The following PHF21A variants were observed in gnomAD, a reference collection of about 807,000 sequenced individuals.
The protein encoded by PHF21A is BHC80a.
PHF21A carries 11 observed loss-of-function variants against 82.5 expected under a neutral mutation model. The ratio of observed to expected loss-of-function variants is 0.13; its 90% CI spans 0.08 to 0.22. The LOEUF is 0.22. Among genes scored for constraint, PHF21A ranks in the 10% least tolerant of loss-of-function variants. PHF21A has a pLI of 1.00. For missense variants in PHF21A, 579 were observed against 837.8 expected, an observed-to-expected ratio of 0.69 and a Z score of 3.81; for synonymous variants, 297 against 302.8, an observed-to-expected ratio of 0.98 and a Z score of 0.20.
intron 7 of PHF21A, among the ~76,000 whole-genome samples, 164 bp downstream of exon 7, chr11:45,979,596 T>C (rs2094191737): frequency 6.6e-6 from 1 of 152,252 alleles, no homozygotes; most frequent in Non-Finnish European, 1.5e-5. Flanking sequence ...TGCCAATGAT[T>C]ACAAGTGATA....
At chr11:46,089,262 T>C (rs547229356) in intron 3 of PHF21A, among the ~76,000 whole-genome samples, 2 of 152,340 alleles carry the variant, frequency 1.3e-5, no homozygotes, top group Non-Finnish European at 2.9e-5. Flanking sequence ...AGGTTTCAAT[T>C]TGTACAAAAT....
chr11:46,108,118 T>C lies in PHF21A; in HGVS notation c.-237+12817A>G, dbSNP rs569003560. Among the ~76,000 whole-genome samples, 9 of 152,332 alleles carry C rather than the reference T, an allele frequency of 5.9e-5. No homozygotes were observed. In the East Asian group the frequency reaches 1.7e-3, roughly 29 times the overall value. ...CTTTTTTACAGGTTTGCCCCAATTC[T>C]TGCCTATTTACTTTGTAAATGTGAA... is the stretch of plus-strand genomic sequence containing the variant. On this transcript the variant is annotated intron_variant, in intron 1 of 18. Transcript: ENST00000676320.
chr11:45,968,231 G>A (rs558192948), intron 9 of PHF21A, among the ~76,000 whole-genome samples: 1 of 152,300 alleles, frequency 6.6e-6, no homozygotes, highest in African/African-American at 2.4e-5. Context: ...TCTGCACAGA[G>A]GCAAGAAGGA....
chr11:46,107,453 C>CA (rs1162087502), intron 1 of PHF21A, among the ~76,000 whole-genome samples: 1 of 152,120 alleles, frequency 6.6e-6, no homozygotes, highest in East Asian at 1.9e-4. Flanking sequence ...TGAATGCTAC[C>CA]AATGAGAAAA....
intron 12 of PHF21A, among the ~76,000 whole-genome samples, chr11:45,949,709 T>G (rs1009361989): frequency 1.3e-5 from 2 of 152,096 alleles, no homozygotes; most frequent in Non-Finnish European, 2.9e-5. Context: ...CTGTTGAGAG[T>G]TTAACAATAG....
chr11:45,997,629 C>T (rs1014549566), intron 6 of PHF21A, among the ~76,000 whole-genome samples: 1 of 152,174 alleles, frequency 6.6e-6, no homozygotes, highest in Non-Finnish European at 1.5e-5. Flanking sequence ...TGTTTTGCAG[C>T]CTTAAAAGTG....
chr11:46,093,870 G>C (rs1007800664), intron 1 of PHF21A, among the ~76,000 whole-genome samples: 1 of 151,994 alleles, frequency 6.6e-6, no homozygotes, highest in Non-Finnish European at 1.5e-5. Flanking sequence ...TGACTTTCTG[G>C]AACTGTTTTC....
chr11:46,078,897 A>G (rs2096758935), intron 5 of PHF21A, among the ~76,000 whole-genome samples: 3 of 152,122 alleles, frequency 2.0e-5, no homozygotes. Flanking sequence ...AAATACTCAA[A>G]CCAATTAATA....
chr11:46,077,219 A>C (rs2096736812), intron 5 of PHF21A, among the ~76,000 whole-genome samples: 1 of 152,238 alleles, frequency 6.6e-6, no homozygotes, highest in Admixed American at 6.5e-5. Context: ...GCTTTACAGC[A>C]TTATCAACAA....
chr11:45,996,473 T>C (rs2094912934), intron 6 of PHF21A, among the ~76,000 whole-genome samples: 1 of 152,184 alleles, frequency 6.6e-6, no homozygotes, highest in East Asian at 1.9e-4. Context: ...CTATCATCCT[T>C]GACAGTGGCC....
chr11:45,962,035 C>T (rs1340729372), intron 10 of PHF21A, among the ~76,000 whole-genome samples: 1 of 152,166 alleles, frequency 6.6e-6, no homozygotes, highest in Non-Finnish European at 1.5e-5. Flanking sequence ...CTGGCATTGC[C>T]TTCTCCCATT....
At chr11:46,016,818 T>G (rs2095526662) in intron 6 of PHF21A, among the ~76,000 whole-genome samples, 1 of 151,882 alleles carries the variant, frequency 6.6e-6, no homozygotes, top group South Asian at 2.1e-4. Context: ...TTCTATCATC[T>G]AGAATGCAGA....
At chr11:45,978,156 C>T (rs544696638) in intron 7 of PHF21A, among the ~76,000 whole-genome samples, 7 of 152,068 alleles carry the variant, frequency 4.6e-5, no homozygotes, top group Admixed American at 6.6e-5. Context: ...AAAAATTAGC[C>T]GGGCATGGTG....
In PHF21A at chr11:46,021,216, T is replaced by G. The variant is rs115762768; in HGVS notation, c.154-41250A>C. On this transcript the variant is annotated intron_variant, in intron 6 of 18. Coordinates refer to ENST00000676320, the MANE Select transcript of PHF21A (RefSeq NM_001352027.3). ...CTGGAACTACAGGTGCAAGCCGCTA[T>G]GCCTGGCTAATTTTTTTTATTTTTT... Among the ~76,000 whole-genome samples, 464 of 152,208 alleles carry G rather than the reference T, an allele frequency of 3.0e-3. 2 individuals are homozygous for G. The highest frequency in any genetic ancestry group is 0.011 in the African/African-American group (441 of 41,546).
chr11:46,112,650 A>G (rs563795320), intron 1 of PHF21A, among the ~76,000 whole-genome samples: 1 of 152,342 alleles, frequency 6.6e-6, no homozygotes, highest in South Asian at 2.1e-4. Flanking sequence ...AAGCGTACAG[A>G]TATTCAAGAT....
At chr11:45,950,627 A>G (rs949070797) in intron 11 of PHF21A, among the ~76,000 whole-genome samples, 1 of 152,164 alleles carries the variant, frequency 6.6e-6, no homozygotes, top group Non-Finnish European at 1.5e-5. Flanking sequence ...CAGGTTAGAA[A>G]GTTTGCTCTA....
chr11:45,947,598 A>T (rs1236544398), intron 14 of PHF21A, among the ~76,000 whole-genome samples: 1 of 152,208 alleles, frequency 6.6e-6, no homozygotes, highest in Non-Finnish European at 1.5e-5. Context: ...TATCCTAGGC[A>T]CTGTGGATGC....
At chr11:45,949,365 G>A (rs1181586161) in intron 13 of PHF21A, 37 bp downstream of exon 13, 1 of 1,544,130 alleles carries the variant, frequency 6.5e-7, no homozygotes, top group Non-Finnish European at 9.0e-7. Context: ...AATAAAACTG[G>A]AACATGAGGG....
intron 9 of PHF21A, among the ~76,000 whole-genome samples, chr11:45,968,202 G>A (rs2093562571): frequency 6.6e-6 from 1 of 152,158 alleles, no homozygotes; most frequent in Admixed American, 6.5e-5. Context: ...CCACAGTCTT[G>A]ACCATCCCCA....
Sources: allele counts gnomAD v4.1 joint callset (sites outside exome capture counted in the v4.1 genomes callset), GRCh38; gene constraint gnomAD v4.1.1; transcripts MANE v1.5; gene names NCBI Gene and HGNC (gene_info 2026-07-23, HGNC 2026-07-21).